Variants in DOCK1 observed in about 807,000 individuals in gnomAD.
The protein encoded by DOCK1 is dedicator of cytokinesis protein 1.
Under a neutral mutation model 262.7 loss-of-function variants are expected in DOCK1, and 138 were observed. The ratio of observed to expected loss-of-function variants is 0.53; its 90% CI spans 0.46 to 0.61. The LOEUF (loss-of-function observed/expected upper bound fraction) is 0.61, where lower values mean the gene tolerates loss of function less well. Among genes scored for constraint, DOCK1 ranks in the 20% least tolerant of loss-of-function variants. The pLI, the probability that DOCK1 is intolerant of heterozygous loss-of-function variation, is 0.00. For missense variants in DOCK1, 1,908 were observed against 2,370.7 expected (o/e 0.80, Z 4.05); for synonymous variants, 866 against 867.4 (o/e 1.00, Z 0.03).
At chr10:126,906,380 C>A (rs1450560556) in intron 1 of DOCK1, among the ~76,000 whole-genome samples, 3 of 152,180 alleles carry the variant, frequency 2.0e-5, no homozygotes, top group Non-Finnish European at 4.4e-5. Flanking sequence ...CCCGGGGACC[C>A]GCAGCCGGTC....
intron 27 of DOCK1, among the ~76,000 whole-genome samples, chr10:127,226,479 C>T (rs1415853784): frequency 6.9e-6 from 1 of 145,576 alleles, no homozygotes; most frequent in African/African-American, 2.5e-5. Context: ...CACAGTGGCT[C>T]ACACCTGTCA....
intron 29 of DOCK1, among the ~76,000 whole-genome samples, chr10:127,262,744 G>A (rs369199000): frequency 9.2e-5 from 14 of 152,300 alleles, no homozygotes; most frequent in Middle Eastern, 6.8e-3. Flanking sequence ...GGCATTGCAC[G>A]TTTGCGTTCT....
At chr10:127,288,927 T>C (rs1196068920) in intron 29 of DOCK1, among the ~76,000 whole-genome samples, 2 of 152,124 alleles carry the variant, frequency 1.3e-5, no homozygotes, top group Non-Finnish European at 2.9e-5. Context: ...GATGAATCCT[T>C]GCATGTAGCT....
chr10:127,042,112 C>A (rs2044058091), intron 19 of DOCK1, among the ~76,000 whole-genome samples: 1 of 152,206 alleles, frequency 6.6e-6, no homozygotes, highest in Non-Finnish European at 1.5e-5. Context: ...AAAGTAAGCA[C>A]CTTCTGGTCT....
At chr10:127,331,893 A>G (rs1198468071) in intron 29 of DOCK1, among the ~76,000 whole-genome samples, 1 of 152,208 alleles carries the variant, frequency 6.6e-6, no homozygotes, top group Non-Finnish European at 1.5e-5. Context: ...ACTTGTGAGC[A>G]TGAAATAACA....
intron 21 of DOCK1, among the ~76,000 whole-genome samples, chr10:127,052,028 C>T (rs1407352153): frequency 2.6e-5 from 4 of 152,024 alleles, no homozygotes; most frequent in Admixed American, 2.6e-4. Context: ...ATTGTTTAAC[C>T]TTGGGGAAGC....
intron 23 of DOCK1, among the ~76,000 whole-genome samples, chr10:127,075,864 C>T (rs1465872507): frequency 6.6e-6 from 1 of 152,140 alleles, no homozygotes; most frequent in Non-Finnish European, 1.5e-5. Context: ...GTTGCCCAGG[C>T]TGAGTGCTAG....
intron 29 of DOCK1, 116 bp downstream of exon 29, chr10:127,257,545 G>T: frequency 1.1e-6 from 1 of 910,018 alleles, no homozygotes; most frequent in Non-Finnish European, 1.7e-6. Context: ...TGCAAACGCT[G>T]TTCCTAATTC....
intron 1 of DOCK1, among the ~76,000 whole-genome samples, chr10:126,918,000 C>T (rs181317146): frequency 5.4e-4 from 82 of 152,312 alleles, no homozygotes; most frequent in Non-Finnish European, 4.7e-4. Flanking sequence ...TGCATCTGGA[C>T]GAGAGAGACT....
rs1384683896 is a variant in DOCK1 at position 127,451,653 on chromosome 10, C to T, written c.*226C>T. On this transcript the variant is annotated 3_prime_UTR_variant, in exon 52 of 52. Transcript: ENST00000623213. ...TAGATATGGGTCCGGGATGTGCTAT[C>T]GTAGTTATCAGAGTTGGGGGCCTCT... The T allele has an allele frequency of 3.1e-6, 3 of 982,444 alleles. No homozygotes were observed. Among genetic ancestry groups the T allele is most frequent in the Admixed American group, 3.3e-5 (1 of 30,270 alleles). The allele number at this position is 982,444 out of a possible 1,614,324, so 60.9% of individuals were successfully genotyped here. A position where few individuals can be genotyped will look rare whatever the true frequency, so the allele number is the denominator to read the frequency against.
chr10:127,433,123 G>A (rs1458036844), intron 47 of DOCK1, among the ~76,000 whole-genome samples, 160 bp from the exon 48 acceptor site: 1 of 152,168 alleles, frequency 6.6e-6, no homozygotes, highest in Non-Finnish European at 1.5e-5. Context: ...AATAATCATT[G>A]TTTTTGTCTT....
intron 46 of DOCK1, among the ~76,000 whole-genome samples, chr10:127,423,310 C>T (rs2068618424): frequency 6.6e-6 from 1 of 152,134 alleles, no homozygotes; most frequent in Admixed American, 6.5e-5. Context: ...GAGTTTTCAT[C>T]ACCGATATAT....
chr10:127,428,974 A>ATTGTGCCG (rs2069065937), intron 47 of DOCK1, among the ~76,000 whole-genome samples: 34 of 78,868 alleles, frequency 4.3e-4, no homozygotes, highest in South Asian at 5.6e-4. Context: ...TTCGGGTACC[A>ATTGTGCCG]TGTGGATTGG....
intron 25 of DOCK1, among the ~76,000 whole-genome samples, chr10:127,121,498 CATCT>C (rs1384521686): frequency 3.5e-5 from 3 of 85,338 alleles, no homozygotes; most frequent in Non-Finnish European, 5.7e-5. Context: ...TCTGTCTGTC[CATCT>C]GTCTGTTTTT....
intron 10 of DOCK1, among the ~76,000 whole-genome samples, chr10:127,007,073 T>A (rs2135248651): frequency 6.6e-6 from 1 of 152,240 alleles, no homozygotes; most frequent in Non-Finnish European, 1.5e-5. Context: ...CCAGGCCAGG[T>A]GAGGGCCCGT....
intron 19 of DOCK1, among the ~76,000 whole-genome samples, chr10:127,038,952 G>A (rs1473456594): frequency 3.3e-5 from 5 of 152,146 alleles, no homozygotes; most frequent in East Asian, 1.9e-4. Context: ...GGCATGTGGC[G>A]TTCTATAAGC....
At chr10:127,118,907 C>T (rs1291068617) in intron 25 of DOCK1, among the ~76,000 whole-genome samples, 1 of 152,198 alleles carries the variant, frequency 6.6e-6, no homozygotes, top group Non-Finnish European at 1.5e-5. Flanking sequence ...GTACTGCTAA[C>T]TTTCATGACT....
chr10:127,118,819 A>G (rs1183719870), intron 25 of DOCK1, among the ~76,000 whole-genome samples: 1 of 152,206 alleles, frequency 6.6e-6, no homozygotes, highest in Admixed American at 6.5e-5. Context: ...TGTTTACTCC[A>G]TTTTACAGAC....
At chr10:126,921,596 G>A (rs1299068584) in intron 1 of DOCK1, among the ~76,000 whole-genome samples, 3 of 152,114 alleles carry the variant, frequency 2.0e-5, no homozygotes, top group Admixed American at 2.0e-4. Context: ...GTGTCAGTCT[G>A]TTTGCATTAC....
Sources: gnomAD v4.1 joint callset for allele counts (sites outside exome capture counted in the v4.1 genomes callset) on GRCh38, gnomAD v4.1.1 for gene constraint, MANE v1.5 for transcripts, NCBI Gene and HGNC (gene_info 2026-07-23, HGNC 2026-07-21) for gene names.